Variants in ENTHD1 observed in about 807,000 individuals in gnomAD.
ENTHD1 encodes the protein ENTH domain-containing protein 1.
Under a neutral mutation model 39.1 loss-of-function variants are expected in ENTHD1, and 23 were observed. The ratio of observed to expected loss-of-function variants is 0.59; its 90% CI spans 0.42 to 0.83. The LOEUF (loss-of-function observed/expected upper bound fraction) is 0.83, where lower values mean the gene tolerates loss of function less well. ENTHD1 is among the 40% of genes least tolerant of loss of function. ENTHD1 has a pLI of 0.00. For synonymous variants in ENTHD1, 230 were observed against 258.2 expected, an observed-to-expected ratio of 0.89 and a Z score of 1.05; for missense variants, 624 against 705.4, an observed-to-expected ratio of 0.88 and a Z score of 1.31.
chr22:39,801,953 C>A (rs2065601996), intron 5 of ENTHD1, among the ~76,000 whole-genome samples: 1 of 152,052 alleles, frequency 6.6e-6, no homozygotes, highest in African/African-American at 2.4e-5. Flanking sequence ...GGAAAACAAT[C>A]ATCTAAGTTC....
At chr22:39,760,443 T>A (rs965324820) in intron 6 of ENTHD1, among the ~76,000 whole-genome samples, 9 of 152,042 alleles carry the variant, frequency 5.9e-5, no homozygotes, top group Admixed American at 3.9e-4. Flanking sequence ...ATATAGCTAC[T>A]CCCACTTTAT....
At chr22:39,869,521 A>C (rs1255010165) in intron 2 of ENTHD1, among the ~76,000 whole-genome samples, 3 of 152,082 alleles carry the variant, frequency 2.0e-5, no homozygotes, top group Non-Finnish European at 2.9e-5. Context: ...ATTGAGTACT[A>C]TGATTAGTAC....
intron 5 of ENTHD1, among the ~76,000 whole-genome samples, chr22:39,791,170 A>T (rs1169646685): frequency 6.8e-6 from 1 of 148,130 alleles, no homozygotes; most frequent in Non-Finnish European, 1.5e-5. Context: ...AGTTATATAT[A>T]TTATATATAT....
rs2065777960 is a variant in ENTHD1 at position 39,820,975 on chromosome 22, A to G, written c.832+18T>C. 1 of 1,613,332 alleles carries G rather than the reference A, an allele frequency of 6.2e-7. No homozygotes were observed. The highest frequency in any genetic ancestry group is 8.5e-7 in the Non-Finnish European group (1 of 1,179,630). Reference sequence around the variant, plus strand: ...ATAAAATCTGATAAGTAAACTTCCTATTCCTTAACCAATTTACCTGCACCC... The same window carrying G: ...ATAAAATCTGATAAGTAAACTTCCTGTTCCTTAACCAATTTACCTGCACCC... On this transcript the variant is annotated intron_variant, in intron 5 of 6. Coordinates refer to ENST00000325157, the MANE Select transcript of ENTHD1 (RefSeq NM_152512.4).
chr22:39,836,640 C>T (rs1601629461), intron 3 of ENTHD1, among the ~76,000 whole-genome samples: 1 of 151,962 alleles, frequency 6.6e-6, no homozygotes, highest in Admixed American at 6.6e-5. Flanking sequence ...AAGAATACAC[C>T]TGTGATATGG....
At chr22:39,752,438 G>C (rs2065154729) in intron 6 of ENTHD1, among the ~76,000 whole-genome samples, 1 of 152,134 alleles carries the variant, frequency 6.6e-6, no homozygotes, top group Admixed American at 6.5e-5. Flanking sequence ...AATGAGTGTA[G>C]GACTTCTAGC....
chr22:39,876,293 TAATA>T (rs1173043689), intron 2 of ENTHD1, among the ~76,000 whole-genome samples: 2 of 152,240 alleles, frequency 1.3e-5, no homozygotes, highest in East Asian at 3.8e-4. Context: ...GGCATTCACT[TAATA>T]AAGCCACTGT....
At chr22:39,861,298 C>T (rs1324323817) in intron 3 of ENTHD1, among the ~76,000 whole-genome samples, 5 of 152,122 alleles carry the variant, frequency 3.3e-5, no homozygotes, top group South Asian at 2.1e-4. Context: ...CCAGCACTTT[C>T]GGAGGCCAAG....
At chr22:39,884,575 A>G (rs2066365947) in intron 2 of ENTHD1, among the ~76,000 whole-genome samples, 1 of 152,152 alleles carries the variant, frequency 6.6e-6, no homozygotes, top group Admixed American at 6.5e-5. Context: ...CTTATGAAAG[A>G]ACAATGTTGG....
chr22:39,793,341 G>GTTGTTTT (rs781630124), intron 5 of ENTHD1, among the ~76,000 whole-genome samples: 1 of 130,080 alleles, frequency 7.7e-6, no homozygotes, highest in African/African-American at 2.8e-5. Flanking sequence ...ATTATTAGTT[G>GTTGTTTT]TTTTTTTTTT....
At chr22:39,763,898 C>T (rs1235615399) in intron 6 of ENTHD1, among the ~76,000 whole-genome samples, 1 of 152,104 alleles carries the variant, frequency 6.6e-6, no homozygotes, top group Non-Finnish European at 1.5e-5. Context: ...GACAGCCAGG[C>T]ACATAATCCA....
At chr22:39,879,565 C>T (rs1202893347) in intron 2 of ENTHD1, among the ~76,000 whole-genome samples, 1 of 142,720 alleles carries the variant, frequency 7.0e-6, no homozygotes, top group Non-Finnish European at 1.5e-5. Context: ...ACTAAAATAA[C>T]AATAAGAGAT....
intron 2 of ENTHD1, chr22:39,876,072 C>T: frequency 2.5e-6 from 4 of 1,613,574 alleles, no homozygotes; most frequent in Admixed American, 3.3e-5. Flanking sequence ...CTTGAAGTCC[C>T]CACGTATGAG....
chr22:39,856,274 C>CAA (rs34598525), intron 3 of ENTHD1, among the ~76,000 whole-genome samples: 111 of 50,106 alleles, frequency 2.2e-3, no homozygotes, highest in African/African-American at 4.1e-3. Flanking sequence ...AACTTCATCT[C>CAA]AAAAAAAAAA....
At chr22:39,854,485 T>C (rs2066069180) in intron 3 of ENTHD1, among the ~76,000 whole-genome samples, 1 of 152,200 alleles carries the variant, frequency 6.6e-6, no homozygotes, top group East Asian at 1.9e-4. Flanking sequence ...TGGCTGTAAG[T>C]AGTGCCTCTG....
chr22:39,794,521 G>A (rs1384419839), intron 5 of ENTHD1, among the ~76,000 whole-genome samples: 1 of 151,562 alleles, frequency 6.6e-6, no homozygotes, highest in Non-Finnish European at 1.5e-5. Flanking sequence ...TGGCATCCTT[G>A]GCCGGGCGCA....
chr22:39,856,818 G>A (rs563182123), intron 3 of ENTHD1, among the ~76,000 whole-genome samples: 3 of 147,752 alleles, frequency 2.0e-5, no homozygotes, highest in Non-Finnish European at 3.0e-5. Flanking sequence ...ACACCACTGC[G>A]CTCCTGCCGG....
At chr22:39,744,386 A>G (rs538138761) in intron 6 of ENTHD1, 103 bp from the exon 7 acceptor site, 6 of 1,050,750 alleles carry the variant, frequency 5.7e-6, no homozygotes, top group South Asian at 4.2e-5. Context: ...AGGGCTCAAC[A>G]TAAATAAACT....
intron 1 of ENTHD1, among the ~76,000 whole-genome samples, chr22:39,892,649 T>G (rs2066435591): frequency 6.6e-6 from 1 of 152,010 alleles, no homozygotes; most frequent in Non-Finnish European, 1.5e-5. Context: ...GGAGCTGAAC[T>G]GACTTTATCC....
Sources: gnomAD v4.1 joint callset for allele counts (sites outside exome capture counted in the v4.1 genomes callset) on GRCh38, gnomAD v4.1.1 for gene constraint, MANE v1.5 for transcripts, NCBI Gene and HGNC (gene_info 2026-07-23, HGNC 2026-07-21) for gene names.